CUTC: variants seen among roughly 807,000 people sequenced by gnomAD.
CUTC encodes the protein cutC copper transporter, also known as copper homeostasis protein cutC homolog.
CUTC carries 27 observed loss-of-function variants against 36.2 expected under a neutral mutation model. The ratio of observed to expected loss-of-function variants is 0.75; its 90% CI spans 0.55 to 1.03. The LOEUF is 1.03. Ranked by LOEUF, CUTC falls within the 50% of genes least tolerant of loss-of-function variation. The pLI, the probability that CUTC is intolerant of heterozygous loss-of-function variation, is 0.00. For missense variants in CUTC, 315 were observed against 343.5 expected (o/e 0.92, Z 0.66); for synonymous variants, 114 against 118.3 (o/e 0.96, Z 0.24).
chr10:99,737,570 C>T (rs1260791712), intron 2 of CUTC, among the ~76,000 whole-genome samples: 2 of 152,016 alleles, frequency 1.3e-5, no homozygotes, highest in Non-Finnish European at 2.9e-5. Flanking sequence ...GAGATGGTTG[C>T]AAAACTCTGT....
chr10:99,752,385 A>G (rs948559085), intron 7 of CUTC, among the ~76,000 whole-genome samples: 4 of 144,982 alleles, frequency 2.8e-5, no homozygotes, highest in African/African-American at 7.5e-5. Context: ...GTGTCAAAAG[A>G]AAAAAAAAAA....
chr10:99,743,970 G>T (rs1033569378), intron 4 of CUTC, 67 bp from the exon 5 acceptor site: 65 of 1,316,292 alleles, frequency 4.9e-5, no homozygotes, highest in Non-Finnish European at 6.8e-5. Flanking sequence ...CTAACATGGA[G>T]AATTCTATAT....
rs576940304 is a variant in CUTC at position 99,748,301 on chromosome 10, A to G, written c.573+911A>G. Among the ~76,000 whole-genome samples the G allele has an allele frequency of 8.5e-5, 13 of 152,334 alleles. No homozygotes were observed. The South Asian group carries it at 2.5e-3, about 29-fold the overall frequency. ...AGTGGTTGGCATATACTAGGTCTTA[A>G]TAATGTTAGGTTCTGTTATTACTGC... On this transcript the variant is annotated intron_variant, in intron 6 of 8. Transcript: ENST00000370476.
chr10:99,736,548 T>C, intron 2 of CUTC, among the ~76,000 whole-genome samples: 1 of 152,318 alleles, frequency 6.6e-6, no homozygotes, highest in Non-Finnish European at 1.5e-5. Context: ...AATGACTTGA[T>C]TTTTTATTGA....
chr10:99,748,951 A>G (rs1254972865), intron 6 of CUTC, among the ~76,000 whole-genome samples: 1 of 152,192 alleles, frequency 6.6e-6, no homozygotes, highest in Admixed American at 6.5e-5. Context: ...ATTTATTTTC[A>G]TGGTGCAGCG....
In CUTC at chr10:99,754,564, C is replaced by G; in HGVS notation, c.637C>G (p.Leu213Val). 6.2e-7 allele frequency: 1 copy of G among 1,613,540 alleles called. No individual in the cohort carries two copies. The highest frequency in any genetic ancestry group is 8.5e-7 in the Non-Finnish European group (1 of 1,179,612). ...GITDRNLQRI[L>V]EGSGATEFHC... is the part of the protein sequence containing the mutation. Reference sequence around the variant, plus strand: ...AACAGACAGAAATCTACAAAGGATCCTTGAGGGTTCAGGTGCTACAGAATT... The same window carrying G: ...AACAGACAGAAATCTACAAAGGATCGTTGAGGGTTCAGGTGCTACAGAATT... The change falls in exon 8 of 9, where the codon CTT (leucine) becomes GTT (valine). Residue 213 changes from leucine to valine, a missense_variant. By Grantham distance (32) the Leu-to-Val change is conservative (BLOSUM62 1). Transcript: ENST00000370476.
In CUTC at chr10:99,732,285, G is replaced by T; in HGVS notation, c.-64G>T. 13 of 1,547,772 alleles carry T rather than the reference G, an allele frequency of 8.4e-6. No individual in the cohort carries two copies. The highest frequency in any genetic ancestry group is 4.8e-5 in the South Asian group (4 of 83,894). On this transcript the variant is annotated 5_prime_UTR_variant, in exon 1 of 9. Transcript: ENST00000370476. ...CAGCTGTTGACGCGCTTCTTAGCTGGTGCGCGCCGGAGCCCAAATTCCAAG... is the reference window on the plus strand; with the variant it reads ...CAGCTGTTGACGCGCTTCTTAGCTGTTGCGCGCCGGAGCCCAAATTCCAAG...
intron 7 of CUTC, among the ~76,000 whole-genome samples, chr10:99,751,936 A>G (rs2037422034): frequency 6.6e-6 from 1 of 152,198 alleles, no homozygotes; most frequent in Non-Finnish European, 1.5e-5. Flanking sequence ...TCCTCATGAT[A>G]TTGTTTAGCT....
intron 7 of CUTC, among the ~76,000 whole-genome samples, chr10:99,752,065 T>G (rs2037423295): frequency 6.6e-6 from 1 of 152,176 alleles, no homozygotes; most frequent in African/African-American, 2.4e-5. Context: ...ACTTACATCA[T>G]ATGACATCAC....
chr10:99,747,004 G>A (rs1322985636), intron 5 of CUTC, among the ~76,000 whole-genome samples: 1 of 152,110 alleles, frequency 6.6e-6, no homozygotes, highest in African/African-American at 2.4e-5. Flanking sequence ...CTGCGCTCAA[G>A]TGATCTCCCC....
At chr10:99,739,951 C>CA (rs1311003630) in intron 3 of CUTC, among the ~76,000 whole-genome samples, 182 bp downstream of exon 3, 1 of 152,176 alleles carries the variant, frequency 6.6e-6, no homozygotes, top group East Asian at 1.9e-4. Context: ...TTTCTCACAT[C>CA]AAAAAGTTGA....
At chr10:99,747,914 A>G (rs1213399328) in intron 6 of CUTC, among the ~76,000 whole-genome samples, 2 of 152,210 alleles carry the variant, frequency 1.3e-5, no homozygotes, top group African/African-American at 4.8e-5. Flanking sequence ...AAATTCCAAA[A>G]CTAAAATTAT....
intron 6 of CUTC, among the ~76,000 whole-genome samples, chr10:99,749,055 C>T (rs1362819900): frequency 2.6e-5 from 4 of 152,080 alleles, no homozygotes. Context: ...TAAGATATAA[C>T]CGCCATAGTA....
chr10:99,740,382 T>C (rs1417811583), intron 3 of CUTC, among the ~76,000 whole-genome samples: 1 of 152,108 alleles, frequency 6.6e-6, no homozygotes, highest in African/African-American at 2.4e-5. Context: ...AATAGCTTTT[T>C]CCTTCATTTT....
chr10:99,740,820 T>C (rs529806886), intron 3 of CUTC, among the ~76,000 whole-genome samples: 24 of 152,338 alleles, frequency 1.6e-4, no homozygotes, highest in Admixed American at 6.5e-4. Context: ...GTTGCTATTG[T>C]TTTGTCCTTG....
intron 2 of CUTC, among the ~76,000 whole-genome samples, chr10:99,736,671 A>G (rs961325585): frequency 1.3e-5 from 2 of 152,138 alleles, no homozygotes; most frequent in African/African-American, 4.8e-5. Flanking sequence ...TTTCCCTCAA[A>G]GTTTCTGTTG....
chr10:99,744,380 T>C (rs749694564), intron 5 of CUTC, among the ~76,000 whole-genome samples: 25 of 152,194 alleles, frequency 1.6e-4, no homozygotes, highest in Admixed American at 2.6e-4. Flanking sequence ...ATCCTGAGAC[T>C]CATTTTAACT....
rs779549592 is a variant in CUTC at position 99,736,332 on chromosome 10, A to G, written c.133+15A>G. On this transcript the variant is annotated intron_variant, in intron 2 of 8. Coordinates refer to ENST00000370476, the MANE Select transcript of CUTC (RefSeq NM_015960.3). Reference sequence around the variant, plus strand: ...AGAAAGAGGAGGTAAGAGAAATCAGATAGTGAATGACCGTTGGCTACCCTT... The same window carrying G: ...AGAAAGAGGAGGTAAGAGAAATCAGGTAGTGAATGACCGTTGGCTACCCTT... The G allele has an allele frequency of 1.9e-6, 3 of 1,592,262 alleles. No individual in the cohort carries two copies. Among genetic ancestry groups the G allele is most frequent in the South Asian group, 1.1e-5 (1 of 90,638 alleles).
intron 4 of CUTC, among the ~76,000 whole-genome samples, chr10:99,743,767 A>AGTAT (rs2037357490): frequency 6.6e-6 from 1 of 152,236 alleles, no homozygotes; most frequent in Admixed American, 6.5e-5. Context: ...CAGAGGGACA[A>AGTAT]GTATTAGATG....
Sources: gnomAD v4.1 joint callset for allele counts (sites outside exome capture counted in the v4.1 genomes callset) on GRCh38, gnomAD v4.1.1 for gene constraint, MANE v1.5 for transcripts, NCBI Gene and HGNC (gene_info 2026-07-23, HGNC 2026-07-21) for gene names.